The following KDM4D variants were observed in gnomAD, a reference collection of about 807,000 sequenced individuals.
KDM4D encodes the protein lysine-specific demethylase 4D.
For synonymous variants in KDM4D, 254 were observed against 249.1 expected, an observed-to-expected ratio of 1.02 and a Z score of -0.19; for missense variants, 427 against 674.8, an observed-to-expected ratio of 0.63 and a Z score of 4.07.
chr11:94,997,408 G>A lies in KDM4D; in HGVS notation c.36G>A (p.Gln12=). The change falls in exon 3 of 3, where the codon CAG becomes CAA. Residue 12 remains glutamine (Q), a synonymous_variant. Transcript: ENST00000335080. ...ETMKSKANCA[Q]NPNCNIMIFH... ...TGAAGTCTAAGGCCAACTGTGCCCA[G>A]AATCCAAATTGTAACATAATGATAT... 1 of 1,612,254 alleles carries A rather than the reference G, an allele frequency of 6.2e-7. No individual in the cohort carries two copies. Among genetic ancestry groups the A allele is most frequent in the Non-Finnish European group, 8.5e-7 (1 of 1,179,238 alleles).
At chr11:94,994,699 T>C (rs1857962164) in intron 2 of KDM4D, among the ~76,000 whole-genome samples, 1 of 151,232 alleles carries the variant, frequency 6.6e-6, no homozygotes, top group Admixed American at 6.6e-5. Flanking sequence ...CAGTGAAGTG[T>C]AACCCCTGGA....
At chr11:94,994,249 A>T (rs782551650) in intron 2 of KDM4D, among the ~76,000 whole-genome samples, 8 of 152,196 alleles carry the variant, frequency 5.3e-5, no homozygotes, top group Non-Finnish European at 7.3e-5. Flanking sequence ...TGATAGAAAT[A>T]AAAGACATAT....
At chr11:94,988,598 T>G (rs1857908196) in intron 2 of KDM4D, among the ~76,000 whole-genome samples, 1 of 152,178 alleles carries the variant, frequency 6.6e-6, no homozygotes, top group South Asian at 2.1e-4. Context: ...AGCAGTAGCT[T>G]AGACTCTAAT....
Position 94,998,420 on chromosome 11 carries a change from C to T in KDM4D, c.1048C>T (p.Pro350Ser), listed in dbSNP as rs781978888. The T allele has an allele frequency of 3.1e-6, 5 of 1,613,712 alleles. No homozygotes were observed. The highest frequency in any genetic ancestry group is 3.4e-6 in the Non-Finnish European group (4 of 1,180,036). The change falls in exon 3 of 3, where the codon CCC becomes TCC. Residue 350 changes from proline (P) to serine (S), a missense_variant. By Grantham distance (74) the Pro-to-Ser change is moderately conservative (BLOSUM62 -1). Transcript: ENST00000335080. The surrounding 1 kb of genome is among the most constrained non-coding windows in gnomAD (Gnocchi z 6.7). Reference sequence around the variant, plus strand: ...CCGGGCAGTTGTGGACCACATGGAGCCCAGGGTACCAGCCAGCCAAGAGCT... The same window carrying T: ...CCGGGCAGTTGTGGACCACATGGAGTCCAGGGTACCAGCCAGCCAAGAGCT... ...QDRAVVDHME[P>S]RVPASQELST...
At chr11:94,990,274 G>T (rs1555098522) in intron 2 of KDM4D, among the ~76,000 whole-genome samples, 1 of 152,198 alleles carries the variant, frequency 6.6e-6, no homozygotes, top group East Asian at 1.9e-4. Flanking sequence ...CCAAATAAAT[G>T]TAGCACTCAT....
intron 1 of KDM4D, among the ~76,000 whole-genome samples, chr11:94,974,752 T>C (rs928324385): frequency 6.6e-6 from 1 of 152,186 alleles, no homozygotes; most frequent in East Asian, 1.9e-4. Context: ...GTCTTAACAA[T>C]TCTACTTTTA....
rs782554873 is a variant in KDM4D, at chr11:94,998,956, G to T, written c.*12G>T. 37 of 1,503,400 alleles carry T rather than the reference G, an allele frequency of 2.5e-5. No homozygotes were observed. The East Asian group carries it at 6.6e-4, about 27-fold the overall frequency. The allele number at this position is 1,503,400 out of a possible 1,614,324, so 93.1% of individuals were successfully genotyped here. A position where few individuals can be genotyped will look rare whatever the true frequency, so the allele number is the denominator to read the frequency against. On this transcript the variant is annotated 3_prime_UTR_variant, in exon 3 of 3. Coordinates refer to ENST00000335080, the MANE Select transcript of KDM4D (RefSeq NM_018039.3). This position sits in a 1 kb window ranked among gnomAD's most constrained non-coding sequence, Gnocchi z 6.7. The stretch of plus-strand genomic sequence containing the variant: ...CCCCTGTGCCCTAAGTCCACGGGCT[G>T]TCTTTATATCCCACTGCCCTGCTGT...
intron 2 of KDM4D, among the ~76,000 whole-genome samples, chr11:94,987,551 T>C (rs1418623093): frequency 2.0e-5 from 3 of 152,206 alleles, no homozygotes; most frequent in African/African-American, 7.2e-5. Flanking sequence ...TAGGTTCCTG[T>C]AGGAGCACTC....
Position 94,973,838 on chromosome 11 carries a change from T to C in KDM4D, c.-675T>C, listed in dbSNP as rs1002760799. On this transcript the variant is annotated 5_prime_UTR_variant, in exon 1 of 3. Coordinates refer to ENST00000335080, the MANE Select transcript of KDM4D (RefSeq NM_018039.3). ...CTCCCAGACTCCTTCATTCCGGTAC[T>C]GCGTGGACGGAAAGCCCCGGGTAGC... 3.9e-5 allele frequency: 6 copies of C among 152,446 alleles called. No homozygotes were observed. Among genetic ancestry groups the C allele is most frequent in the Admixed American group, 3.3e-4 (5 of 15,308 alleles). The allele number at this position is 152,446 out of a possible 1,614,324, so 9.4% of individuals were successfully genotyped here. A position where few individuals can be genotyped will look rare whatever the true frequency, so the allele number is the denominator to read the frequency against.
At chr11:94,995,917 T>C (rs1435155633) in intron 2 of KDM4D, among the ~76,000 whole-genome samples, 2 of 152,166 alleles carry the variant, frequency 1.3e-5, no homozygotes, top group Non-Finnish European at 2.9e-5. Flanking sequence ...TCTTCATCTC[T>C]TTTGAATGGC....
At chr11:94,990,601 T>G (rs782570439) in intron 2 of KDM4D, among the ~76,000 whole-genome samples, 2 of 152,228 alleles carry the variant, frequency 1.3e-5, no homozygotes, top group Non-Finnish European at 2.9e-5. Context: ...ATTTTTGTTT[T>G]AAGAAATGAA....
At chr11:94,982,799 A>G (rs1473720716) in intron 2 of KDM4D, among the ~76,000 whole-genome samples, 13 of 151,990 alleles carry the variant, frequency 8.6e-5, no homozygotes, top group African/African-American at 3.1e-4. Flanking sequence ...ATCTAAGAAA[A>G]CAGATTCATT....
At chr11:94,990,600 T>C (rs1220001302) in intron 2 of KDM4D, among the ~76,000 whole-genome samples, 2 of 152,212 alleles carry the variant, frequency 1.3e-5, no homozygotes, top group Non-Finnish European at 2.9e-5. Flanking sequence ...GATTTTTGTT[T>C]TAAGAAATGA....
At chr11:94,979,986 T>C (rs1407787419) in intron 2 of KDM4D, among the ~76,000 whole-genome samples, 1 of 152,228 alleles carries the variant, frequency 6.6e-6, no homozygotes, top group East Asian at 1.9e-4. Flanking sequence ...AATTGTCCAT[T>C]TGGATTTCTT....
chr11:94,993,063 A>C (rs1032670976), intron 2 of KDM4D, among the ~76,000 whole-genome samples: 6 of 152,184 alleles, frequency 3.9e-5, no homozygotes, highest in Non-Finnish European at 5.9e-5. Context: ...CAAGGGCTGC[A>C]GTGAAAGGGA....
rs1263455860 is a variant in KDM4D, at chr11:94,975,755, A to G, written c.-350+7A>G. 1 of 152,166 alleles carries G rather than the reference A, an allele frequency of 6.6e-6. No individual in the cohort carries two copies. The highest frequency in any genetic ancestry group is 1.9e-4 in the East Asian group (1 of 5,200). 9.4% of individuals were successfully genotyped at this position (152,166 alleles called of 1,614,324 possible). Reference sequence around the variant, plus strand: ...GGCACATAATAGGTGCTGAGTAAGTATTTGTTGAATGAATGAATGAATGAA... The same window carrying G: ...GGCACATAATAGGTGCTGAGTAAGTGTTTGTTGAATGAATGAATGAATGAA... On this transcript the variant is annotated splice_region_variant and intron_variant, in intron 2 of 2. Coordinates refer to ENST00000335080, the MANE Select transcript of KDM4D (RefSeq NM_018039.3).
At chr11:94,985,455 T>C (rs1266797723) in intron 2 of KDM4D, among the ~76,000 whole-genome samples, 3 of 152,200 alleles carry the variant, frequency 2.0e-5, no homozygotes, top group African/African-American at 4.8e-5. Context: ...TGGAAAGACA[T>C]TCCATGTCAA....
intron 2 of KDM4D, among the ~76,000 whole-genome samples, chr11:94,992,367 C>A (rs925300540): frequency 6.0e-5 from 9 of 150,974 alleles, no homozygotes; most frequent in Admixed American, 5.9e-4. Flanking sequence ...AAGAAAACAC[C>A]CTGGGACCCT....
intron 2 of KDM4D, among the ~76,000 whole-genome samples, chr11:94,982,848 T>C (rs1857853832): frequency 1.3e-5 from 2 of 152,000 alleles, no homozygotes; most frequent in African/African-American, 4.8e-5. Flanking sequence ...TTGATATACA[T>C]GCAACAAGAT....
Sources: allele counts gnomAD v4.1 joint callset (sites outside exome capture counted in the v4.1 genomes callset), GRCh38; gene constraint gnomAD v4.1.1; non-coding constraint Gnocchi (gnomAD v3.1); transcripts MANE v1.5; gene names NCBI Gene and HGNC (gene_info 2026-07-23, HGNC 2026-07-21).